The following CSMD1 variants were observed in gnomAD, a reference collection of about 807,000 sequenced individuals.
CSMD1 encodes the protein CUB and Sushi multiple domains 1.
In CSMD1, 213 loss-of-function variants were observed where a neutral mutation model predicts 417.5. The observed-to-expected ratio is 0.51, with a 90% confidence interval of 0.46 to 0.57. The LOEUF (loss-of-function observed/expected upper bound fraction) is 0.57, where lower values mean the gene tolerates loss of function less well. CSMD1 is among the 20% of genes least tolerant of loss of function. The pLI is 0.00. For synonymous variants in CSMD1, 2,862 were observed against 1,736.8 expected (o/e 1.65, Z -16.11); for missense variants, 6,923 against 4,529.7 (o/e 1.53, Z -15.17).
chr8:4,909,818 T>A (rs1020095396), intron 1 of CSMD1, among the ~76,000 whole-genome samples: 2 of 152,196 alleles, frequency 1.3e-5, no homozygotes, highest in African/African-American at 4.8e-5. Context: ...TGTCCTTCAT[T>A]TCCAGGTGGC....
chr8:3,727,962 A>T (rs1187478352), intron 6 of CSMD1, among the ~76,000 whole-genome samples: 1 of 152,142 alleles, frequency 6.6e-6, no homozygotes, highest in East Asian at 1.9e-4. Context: ...TGAGAGTTTA[A>T]TGGGTGCAGA....
chr8:4,449,932 G>T (rs1024095759), intron 2 of CSMD1, among the ~76,000 whole-genome samples: 1 of 152,292 alleles, frequency 6.6e-6, no homozygotes, highest in Admixed American at 6.5e-5. Flanking sequence ...CCAATACACA[G>T]AAGATGCTCA....
intron 3 of CSMD1, among the ~76,000 whole-genome samples, chr8:4,133,323 T>C (rs1803224594): frequency 6.6e-6 from 1 of 152,198 alleles, no homozygotes; most frequent in Admixed American, 6.5e-5. Flanking sequence ...TGAGGACAAA[T>C]AATGATAGAC....
At chr8:4,871,942 C>G (rs547816059) in intron 1 of CSMD1, among the ~76,000 whole-genome samples, 1 of 152,088 alleles carries the variant, frequency 6.6e-6, no homozygotes, top group South Asian at 2.1e-4. Flanking sequence ...CCCACTATCT[C>G]TATGGTCTGG....
At chr8:4,190,788 G>A (rs1333481193) in intron 3 of CSMD1, among the ~76,000 whole-genome samples, 1 of 152,216 alleles carries the variant, frequency 6.6e-6, no homozygotes, top group East Asian at 1.9e-4. Context: ...ATGAGAGCAT[G>A]TCCTCTGCAG....
chr8:3,904,827 G>C (rs1051518694), intron 5 of CSMD1, among the ~76,000 whole-genome samples: 1 of 151,742 alleles, frequency 6.6e-6, no homozygotes, highest in Admixed American at 6.6e-5. Flanking sequence ...AGTAAAGATG[G>C]GGTTTTACCA....
chr8:3,243,048 A>T (rs1200974362), intron 26 of CSMD1, among the ~76,000 whole-genome samples: 1 of 152,114 alleles, frequency 6.6e-6, no homozygotes, highest in Non-Finnish European at 1.5e-5. Context: ...CTTTGTCTCT[A>T]CCAGAAAATG....
intron 10 of CSMD1, among the ~76,000 whole-genome samples, chr8:3,522,500 G>T (rs192653827): frequency 7.2e-5 from 11 of 152,238 alleles, no homozygotes; most frequent in Admixed American, 3.3e-4. Flanking sequence ...AAAATATTTT[G>T]TGAGTTTTGT....
intron 3 of CSMD1, among the ~76,000 whole-genome samples, chr8:4,098,818 C>T (rs867106768): frequency 5.9e-5 from 9 of 152,182 alleles, no homozygotes; most frequent in African/African-American, 1.9e-4. Flanking sequence ...AAAGTTGTCT[C>T]TTCTCATCAC....
At chr8:3,786,180 G>A (rs1332724505) in intron 5 of CSMD1, among the ~76,000 whole-genome samples, 2 of 152,140 alleles carry the variant, frequency 1.3e-5, no homozygotes, top group Non-Finnish European at 2.9e-5. Flanking sequence ...GGCCAGATTG[G>A]GACATGAGAT....
intron 1 of CSMD1, among the ~76,000 whole-genome samples, chr8:4,742,751 T>C (rs886715045): frequency 2.6e-5 from 4 of 152,188 alleles, no homozygotes; most frequent in Non-Finnish European, 5.9e-5. Flanking sequence ...AAAACAAATG[T>C]ATGGTCTATT....
At position 3,406,140 on chromosome 8, in the gene CSMD1, G is replaced by T; in HGVS notation, c.2153C>A (p.Ser718Ter). Reference sequence around the variant, plus strand: ...GCCATCATCACAGTGGAAAGAAACCGAGCTCCCGAGTAGAAACCTGTCACC... The same window carrying T: ...GCCATCATCACAGTGGAAAGAAACCTAGCTCCCGAGTAGAAACCTGTCACC... Reference protein sequence around the residue: ...RFGDRFLLGSSVSFHCDDGFV... With the variant: ...RFGDRFLLGS Residue 718 changes from serine to a stop codon, truncating the protein, a stop_gained, in exon 15 of 70, where the codon TCG becomes TAG. Coordinates refer to ENST00000635120, the MANE Select transcript of CSMD1 (RefSeq NM_033225.6). LOFTEE classifies it high-confidence loss of function. 1 of 1,613,724 alleles carries T rather than the reference G, an allele frequency of 6.2e-7. No homozygotes were observed. Among genetic ancestry groups the T allele is most frequent in the Non-Finnish European group, 8.5e-7 (1 of 1,179,814 alleles).
In CSMD1 at chr8:3,164,400, T is replaced by C. The variant is rs985145718; in HGVS notation, c.5726-2123A>G. ...ATTCCTACCACAGATTTTCAAGCCA[T>C]TGGGGCTTTACATAGAAGATAAAAC... On this transcript the variant is annotated intron_variant, in intron 37 of 69. Coordinates refer to ENST00000635120, the MANE Select transcript of CSMD1 (RefSeq NM_033225.6). Among the ~76,000 whole-genome samples the C allele has an allele frequency of 5.3e-5, 8 of 152,320 alleles. No individual in the cohort carries two copies. The East Asian group carries it at 5.8e-4, about 11-fold the overall frequency.
At chr8:4,915,599 G>T (rs1806005903) in intron 1 of CSMD1, among the ~76,000 whole-genome samples, 1 of 152,208 alleles carries the variant, frequency 6.6e-6, no homozygotes, top group Non-Finnish European at 1.5e-5. Context: ...CTGGGGGACT[G>T]TTGCATCCGA....
chr8:3,495,947 C>T (rs760810282), intron 10 of CSMD1, among the ~76,000 whole-genome samples: 8 of 152,098 alleles, frequency 5.3e-5, no homozygotes, highest in Non-Finnish European at 1.0e-4. Flanking sequence ...GCAGGATGTG[C>T]AGGTTTGGGA....
At chr8:4,526,298 GA>G (rs1796508522) in intron 2 of CSMD1, among the ~76,000 whole-genome samples, 1 of 152,136 alleles carries the variant, frequency 6.6e-6, no homozygotes, top group African/African-American at 2.4e-5. Flanking sequence ...TACATAATAG[GA>G]AATGTATTAA....
chr8:3,567,295 G>C (rs1039707096), intron 10 of CSMD1, among the ~76,000 whole-genome samples: 10 of 151,860 alleles, frequency 6.6e-5, no homozygotes, highest in African/African-American at 2.4e-4. Context: ...GGAGGCAGAG[G>C]ATCAGAAAAA....
intron 2 of CSMD1, among the ~76,000 whole-genome samples, chr8:4,488,883 G>A (rs1801556019): frequency 6.6e-6 from 1 of 152,112 alleles, no homozygotes; most frequent in African/African-American, 2.4e-5. Context: ...ATCCTTTCCT[G>A]CAGAATGTGC....
chr8:3,327,849 A>G (rs78857119), intron 23 of CSMD1, among the ~76,000 whole-genome samples: 7,278 of 152,232 alleles, frequency 0.048, 414 homozygotes, highest in East Asian at 0.25. Flanking sequence ...CTTCACCTGC[A>G]TATGCCCTGT....
Sources: gnomAD v4.1 joint callset for allele counts (sites outside exome capture counted in the v4.1 genomes callset) on GRCh38, gnomAD v4.1.1 for gene constraint, MANE v1.5 for transcripts, NCBI Gene and HGNC (gene_info 2026-07-23, HGNC 2026-07-21) for gene names.